Variants in ZNF528 observed in about 807,000 individuals in gnomAD.
ZNF528 encodes zinc finger protein 528.
In ZNF528, 9 loss-of-function variants were observed where a neutral mutation model predicts 13.3. That is an observed-to-expected ratio of 0.67 (90% CI 0.41 to 1.18). ZNF528 has a LOEUF of 1.18. Ranked by LOEUF, ZNF528 falls within the 50% of genes most tolerant of loss-of-function variation. The pLI, the probability that ZNF528 is intolerant of heterozygous loss-of-function variation, is 0.01. For missense variants in ZNF528, 858 were observed against 745.4 expected (o/e 1.15, Z -1.76); for synonymous variants, 264 against 254.3 (o/e 1.04, Z -0.36).
chr19:52,417,955 TGA>T lies in ZNF528; in HGVS notation c.*1220_*1221del, dbSNP rs2059021047. 6.6e-6 allele frequency: 1 copy of T among 152,078 alleles called. No homozygotes were observed. The highest frequency in any genetic ancestry group is 2.1e-4 in the South Asian group (1 of 4,802). The allele number at this position is 152,078 out of a possible 1,614,324, so 9.4% of individuals were successfully genotyped here. On this transcript the variant is annotated 3_prime_UTR_variant, in exon 7 of 7. Coordinates refer to ENST00000360465, the MANE Select transcript of ZNF528 (RefSeq NM_032423.3). ...GAATAGAGAACAGTTATATCACAGT[TGA>T]GAGTTTAATCAAAATGACCGGATCA...
rs774464653 is a variant in ZNF528, at chr19:52,405,981, G to A, written c.90G>A (p.Arg30=). The change falls in exon 5 of 7, where the codon AGG becomes AGA. Residue 30 remains arginine (R), a synonymous_variant. Coordinates refer to ENST00000360465, the MANE Select transcript of ZNF528 (RefSeq NM_032423.3). ...GGAAATGCCTGGACCCTGCGCAGAG[G>A]ACTTTATACAGGGACGTGATGTTGG... ...EEWKCLDPAQ[R]TLYRDVMLEN... 2 of 1,612,028 alleles carry A rather than the reference G, an allele frequency of 1.2e-6. No homozygotes were observed. Among genetic ancestry groups the A allele is most frequent in the African/African-American group, 2.7e-5 (2 of 74,890 alleles).
Position 52,401,966 on chromosome 19 carries a change from A to T in ZNF528, c.-48A>T. On this transcript the variant is annotated 5_prime_UTR_variant, in exon 4 of 7. Coordinates refer to ENST00000360465, the MANE Select transcript of ZNF528 (RefSeq NM_032423.3). The stretch of plus-strand genomic sequence containing the variant: ...ATTCAGGATTCACTTCCAAAGAGAC[A>T]TATTATGCAAGGAAGCAACTTGGAA... The T allele has an allele frequency of 6.2e-7, 1 of 1,614,094 alleles. No individual in the cohort carries two copies. Among genetic ancestry groups the T allele is most frequent in the Non-Finnish European group, 8.5e-7 (1 of 1,180,006 alleles).
At chr19:52,412,069 A>G (rs774948938) in intron 6 of ZNF528, 1 of 152,130 alleles carries the variant, frequency 6.6e-6, no homozygotes, top group Non-Finnish European at 1.5e-5. Flanking sequence ...TCGCCCATAA[A>G]ATTTCTTTCC....
intron 6 of ZNF528, chr19:52,414,605 A>G (rs2058975529): frequency 2.3e-6 from 1 of 430,498 alleles, no homozygotes; most frequent in Admixed American, 3.8e-5. Flanking sequence ...ACCTTCAGCA[A>G]ACCTTCTGGT....
At chr19:52,401,040 C>T (rs998425663) in intron 2 of ZNF528, among the ~76,000 whole-genome samples, 1 of 152,130 alleles carries the variant, frequency 6.6e-6, no homozygotes, top group Admixed American at 6.5e-5. Context: ...CCAATTTAGT[C>T]CTTAAACCTG....
chr19:52,405,816 T>A, intron 4 of ZNF528, 91 bp from the exon 5 acceptor site: 1 of 1,530,486 alleles, frequency 6.5e-7, no homozygotes, highest in Non-Finnish European at 9.0e-7. Flanking sequence ...CTCACATAAG[T>A]GGAGTCAGTC....
chr19:52,412,034 C>G (rs1375203539), intron 6 of ZNF528: 1 of 152,218 alleles, frequency 6.6e-6, no homozygotes, highest in South Asian at 2.1e-4. Flanking sequence ...CTGGATATGA[C>G]TGACACATCA....
In ZNF528 at chr19:52,415,293, G is replaced by A. The variant is rs760856744; in HGVS notation, c.441G>A (p.Pro147=). The part of the protein sequence containing the change: ...KPVSDNSSVS[P]LEKISSSVKS... ...TCAGTGACAATTCCTCAGTTTCACCGCTTGAAAAAATTTCTTCCAGTGTCA... is the reference window on the plus strand; with the variant it reads ...TCAGTGACAATTCCTCAGTTTCACCACTTGAAAAAATTTCTTCCAGTGTCA... Residue 147 remains proline (P), a synonymous_variant, in exon 7 of 7, where the codon CCG becomes CCA. Coordinates refer to ENST00000360465, the MANE Select transcript of ZNF528 (RefSeq NM_032423.3). 74 of 1,612,786 alleles carry A rather than the reference G, an allele frequency of 4.6e-5. No individual in the cohort carries two copies. The highest frequency in any genetic ancestry group is 1.5e-4 in the African/African-American group (11 of 74,834).
chr19:52,410,832 G>A (rs12460065), intron 6 of ZNF528, among the ~76,000 whole-genome samples: 2 of 152,136 alleles, frequency 1.3e-5, no homozygotes, highest in Non-Finnish European at 2.9e-5. Flanking sequence ...CTCCTTGCAG[G>A]GTTTGGTAAA....
intron 6 of ZNF528, chr19:52,414,479 G>C: frequency 1.7e-6 from 1 of 585,554 alleles, no homozygotes; most frequent in Admixed American, 3.0e-5. Context: ...GGGGGAGGGG[G>C]TGGTTATTGG....
intron 2 of ZNF528, among the ~76,000 whole-genome samples, chr19:52,401,226 C>G (rs573816174): frequency 6.6e-6 from 1 of 152,056 alleles, no homozygotes; most frequent in African/African-American, 2.4e-5. Flanking sequence ...TCCACCTCCA[C>G]GTGTCCAAAA....
chr19:52,406,971 T>A (rs1270131477), intron 6 of ZNF528: 4 of 312,532 alleles, frequency 1.3e-5, no homozygotes, highest in Non-Finnish European at 2.3e-5. Flanking sequence ...GGAGATAGGA[T>A]CTCTCTTGGG....
intron 6 of ZNF528, chr19:52,412,134 A>G (rs185407762): frequency 6.6e-6 from 1 of 152,304 alleles, no homozygotes; most frequent in Admixed American, 6.5e-5. Flanking sequence ...GGGATAGATA[A>G]GTTTCCTATG....
Position 52,415,364 on chromosome 19 carries a change from C to T in ZNF528, c.512C>T (p.Pro171Leu). Residue 171 changes from proline (P) to leucine (L), a missense_variant, in exon 7 of 7, where the codon CCA becomes CTA. Physicochemically the swap from Pro to Leu is moderately conservative, Grantham distance 98. Transcript: ENST00000360465. ...NKYRNNFDHA[P>L]LLPQEQKAHI... is the part of the protein sequence containing the mutation. ...TATAGAAATAATTTTGATCATGCTC[C>T]ATTACTTCCACAAGAACAGAAAGCA... 2 of 1,613,492 alleles carry T rather than the reference C, an allele frequency of 1.2e-6. No homozygotes were observed. Among genetic ancestry groups the T allele is most frequent in the Non-Finnish European group, 1.7e-6 (2 of 1,179,864 alleles).
At chr19:52,414,118 G>A (rs745859881) in intron 6 of ZNF528, 4 of 675,252 alleles carry the variant, frequency 5.9e-6, no homozygotes, top group South Asian at 1.6e-5. Context: ...ACCTCATATC[G>A]CTCCCAGTAC....
chr19:52,414,150 T>C (rs2058968048), intron 6 of ZNF528: 1 of 700,422 alleles, frequency 1.4e-6, no homozygotes, highest in Non-Finnish European at 2.6e-6. Flanking sequence ...ACTGACCTTA[T>C]ATCCGCTGCC....
Position 52,406,284 on chromosome 19 carries a change from A to G in ZNF528, c.143-231A>G, listed in dbSNP as rs553541314. Reference sequence around the variant, plus strand: ...GGAAACCTTATGACAAACTTTAAAAATATCCAGTTCCCTGTTTTCTACCCC... The same window carrying G: ...GGAAACCTTATGACAAACTTTAAAAGTATCCAGTTCCCTGTTTTCTACCCC... On this transcript the variant is annotated intron_variant, in intron 5 of 6. Coordinates refer to ENST00000360465, the MANE Select transcript of ZNF528 (RefSeq NM_032423.3). Among the ~76,000 whole-genome samples the G allele has an allele frequency of 9.1e-4, 139 of 152,322 alleles. 1 individual carries two copies. Among genetic ancestry groups the G allele is most frequent in the African/African-American group, 3.1e-3 (130 of 41,572 alleles).
intron 2 of ZNF528, among the ~76,000 whole-genome samples, chr19:52,400,348 T>C (rs534287256): frequency 6.6e-6 from 1 of 152,234 alleles, no homozygotes; most frequent in Non-Finnish European, 1.5e-5. Context: ...GTATGCCTTT[T>C]CTGTGCTCCA....
chr19:52,405,911 C>G lies in ZNF528; in HGVS notation c.20C>G (p.Pro7Arg). The G allele has an allele frequency of 5.6e-6, 9 of 1,609,960 alleles. No individual in the cohort carries two copies. The highest frequency in any genetic ancestry group is 1.7e-4 in the Middle Eastern group (1 of 6,026). MALTQG[P>R]LKFMDVAIEF... is the part of the protein sequence containing the mutation. ...GAAATGTGGATTTTCTTTCAGGGAC[C>G]CTTGAAATTCATGGATGTGGCCATA... Residue 7 changes from proline to arginine, a missense_variant, in exon 5 of 7, where the codon CCC (proline) becomes CGC (arginine). By Grantham distance (103) the Pro-to-Arg change is moderately radical. Coordinates refer to ENST00000360465, the MANE Select transcript of ZNF528 (RefSeq NM_032423.3).
Sources: allele counts gnomAD v4.1 joint callset (sites outside exome capture counted in the v4.1 genomes callset), GRCh38; gene constraint gnomAD v4.1.1; transcripts MANE v1.5; gene names NCBI Gene and HGNC (gene_info 2026-07-23, HGNC 2026-07-21).